The following DST variants were observed in gnomAD, a reference collection of about 807,000 sequenced individuals.
DST encodes the protein bullous pemphigoid antigen.
DST carries 253 observed loss-of-function variants against 875.2 expected under a neutral mutation model. The ratio of observed to expected loss-of-function variants is 0.29; its 90% CI spans 0.26 to 0.32. The LOEUF is 0.32. DST is among the 10% of genes least tolerant of loss of function. The probability of loss-of-function intolerance (pLI) is 1.00; values close to 1 mark genes in which losing one functional copy is unlikely to be tolerated. For synonymous variants in DST, 3,124 were observed against 3,197.1 expected, an observed-to-expected ratio of 0.98 and a Z score of 0.77; for missense variants, 8,287 against 9,111.6, an observed-to-expected ratio of 0.91 and a Z score of 3.68.
chr6:56,617,933 ATGAGGAAACTTGACATTAGG>A (rs1314727038), intron 36 of DST: 15 of 1,494,620 alleles, frequency 1.0e-5, no homozygotes, highest in Non-Finnish European at 1.4e-5. Flanking sequence ...AAGGAAACAA[ATGAGGAAACTTGACATTAGG>A]TAGCTGATAA....
intron 4 of DST, among the ~76,000 whole-genome samples, chr6:56,798,913 G>T (rs1302972562): frequency 6.6e-6 from 1 of 152,204 alleles, no homozygotes; most frequent in Non-Finnish European, 1.5e-5. Context: ...AGTAACTGCA[G>T]ATGTGGTGGA....
intron 4 of DST, among the ~76,000 whole-genome samples, chr6:56,747,368 A>T (rs1275906583): frequency 6.6e-6 from 1 of 152,156 alleles, no homozygotes; most frequent in Non-Finnish European, 1.5e-5. Context: ...TGAGCAGCTG[A>T]GGTTCAATCT....
Position 56,628,142 on chromosome 6 carries a change from T to A in DST, c.4495A>T (p.Ile1499Phe). The change falls in exon 33 of 104, where the codon ATT (isoleucine) becomes TTT (phenylalanine). Residue 1499 changes from isoleucine (I) to phenylalanine (F), a missense_variant. Around this residue, in one of 10 missense-constraint regions of DST, gnomAD observed 3,138 missense variants for 3,116.6 expected, o/e 1.01. Coordinates refer to ENST00000680361, the MANE Select transcript of DST (RefSeq NM_001374736.1). ...CTGTAGTACTTCAGTGATTTGCCAA[T>A]GCCCTCTAAGTCCCGTAACCTAAGA... Reference protein sequence around the residue: ...IDNRLRDLEGIGKSLKYYRDT... With the variant: ...IDNRLRDLEGFGKSLKYYRDT... 1 of 1,613,790 alleles carries A rather than the reference T, an allele frequency of 6.2e-7. No homozygotes were observed. Among genetic ancestry groups the A allele is most frequent in the East Asian group, 2.2e-5 (1 of 44,880 alleles).
At chr6:56,577,803 G>A (rs921778969) in intron 50 of DST, among the ~76,000 whole-genome samples, 1 of 152,086 alleles carries the variant, frequency 6.6e-6, no homozygotes, top group Non-Finnish European at 1.5e-5. Context: ...AAATACATAT[G>A]TAAGATAGTA....
chr6:56,734,908 G>A (rs2099517525), intron 5 of DST: 1 of 228,336 alleles, frequency 4.4e-6, no homozygotes, highest in African/African-American at 2.3e-5. Context: ...ACTAAGAAAT[G>A]TAGCTTTTCC....
chr6:56,643,027 G>T, intron 15 of DST: 2 of 913,288 alleles, frequency 2.2e-6, no homozygotes, highest in Non-Finnish European at 3.1e-6. Context: ...GCCTTTTGTA[G>T]CTTGTATTAA....
intron 2 of DST, among the ~76,000 whole-genome samples, chr6:56,920,895 A>ATTTTTTTTTTTTTTTT (rs35394550): frequency 5.0e-5 from 3 of 59,678 alleles, no homozygotes; most frequent in Admixed American, 4.5e-4. Context: ...CGCCCAGCTA[A>ATTTTTTTTTTTTTTTT]TTTTTTTTTT....
At chr6:56,529,393 G>A in intron 66 of DST, 55 bp downstream of exon 66, 5 of 1,317,432 alleles carry the variant, frequency 3.8e-6, no homozygotes, top group Admixed American at 3.1e-5. Context: ...TAAGGACTAA[G>A]AAATAATGAC....
chr6:56,753,855 G>A (rs2152954927), intron 4 of DST, among the ~76,000 whole-genome samples: 1 of 152,286 alleles, frequency 6.6e-6, no homozygotes, highest in Middle Eastern at 3.4e-3. Context: ...TATCATGGAG[G>A]CATATTCATT....
chr6:56,504,436 A>G (rs1403305315), intron 77 of DST, among the ~76,000 whole-genome samples: 1 of 152,148 alleles, frequency 6.6e-6, no homozygotes, highest in Non-Finnish European at 1.5e-5. Context: ...GGCAGCTTGT[A>G]TAAATATACT....
At chr6:56,665,792 A>G (rs1052609729) in intron 10 of DST, among the ~76,000 whole-genome samples, 5 of 152,198 alleles carry the variant, frequency 3.3e-5, no homozygotes, top group African/African-American at 4.8e-5. Flanking sequence ...GCATCATGCA[A>G]TATACCCAAG....
chr6:56,935,649 C>T (rs987895458), intron 2 of DST, among the ~76,000 whole-genome samples: 2 of 152,058 alleles, frequency 1.3e-5, no homozygotes, highest in African/African-American at 4.8e-5. Flanking sequence ...ATGAGATTGC[C>T]GGGCACGGTA....
chr6:56,934,957 T>C (rs987259117), intron 2 of DST, among the ~76,000 whole-genome samples: 8 of 152,054 alleles, frequency 5.3e-5, no homozygotes, highest in Admixed American at 1.3e-4. Context: ...ACTAAATATA[T>C]CTAAAAAGAA....
intron 4 of DST, among the ~76,000 whole-genome samples, chr6:56,777,919 T>C (rs1188521114): frequency 6.6e-6 from 1 of 151,966 alleles, no homozygotes; most frequent in Non-Finnish European, 1.5e-5. Context: ...CCCAGGCTGG[T>C]CTCAAATGCC....
At chr6:56,469,192 A>T (rs2094749287) in intron 97 of DST, among the ~76,000 whole-genome samples, 193 bp from the exon 98 acceptor site, 1 of 152,174 alleles carries the variant, frequency 6.6e-6, no homozygotes, top group African/African-American at 2.4e-5. Flanking sequence ...TATTTTTGAA[A>T]ATCTTAGGAT....
intron 49 of DST, among the ~76,000 whole-genome samples, chr6:56,584,722 C>G (rs1328066315): frequency 6.6e-6 from 1 of 152,040 alleles, no homozygotes; most frequent in Non-Finnish European, 1.5e-5. Context: ...ATGATATTGG[C>G]TGTGGGTCTG....
At chr6:56,588,020 C>T (rs1015764793) in intron 49 of DST, among the ~76,000 whole-genome samples, 1 of 151,880 alleles carries the variant, frequency 6.6e-6, no homozygotes, top group Non-Finnish European at 1.5e-5. Context: ...GCAAAATAAC[C>T]AGCTAACATC....
At chr6:56,702,702 A>G (rs564946367) in intron 7 of DST, among the ~76,000 whole-genome samples, 2 of 152,352 alleles carry the variant, frequency 1.3e-5, no homozygotes, top group Non-Finnish European at 2.9e-5. Context: ...ATTTCCCTTA[A>G]GAAATGTTAC....
rs773201482 is a variant in DST at position 56,609,158 on chromosome 6, G to T, written c.5470C>A (p.His1824Asn). 2 of 1,613,848 alleles carry T rather than the reference G, an allele frequency of 1.2e-6. No individual in the cohort carries two copies. The highest frequency in any genetic ancestry group is 2.2e-5 in the South Asian group (2 of 91,066). The change falls in exon 40 of 104, where the codon CAT becomes AAT. Residue 1824 changes from histidine (H) to asparagine (N), a missense_variant. This residue lies in a region of DST where 3,138 missense variants were observed against 3,116.6 expected (regional missense o/e 1.01). Coordinates refer to ENST00000680361, the MANE Select transcript of DST (RefSeq NM_001374736.1). ...KCFDLKDAKS[H>N]GLIDEQILCQ... is the part of the protein sequence containing the mutation. ...AGAATTTGTTCATCAATAAGGCCAT[G>T]ACTTTTGGCATCTTTAAGGTCAAAG...
Sources: gnomAD v4.1 joint callset for allele counts (sites outside exome capture counted in the v4.1 genomes callset) on GRCh38, gnomAD v4.1.1 for gene constraint, gnomAD v4.1.1 regional missense constraint, MANE v1.5 for transcripts, NCBI Gene and HGNC (gene_info 2026-07-23, HGNC 2026-07-21) for gene names.